The following CDH4 variants were observed in gnomAD, a reference collection of about 807,000 sequenced individuals.
CDH4 encodes the protein cadherin 4.
In CDH4, 33 loss-of-function variants were observed where a neutral mutation model predicts 86.0. The ratio of observed to expected loss-of-function variants is 0.38; its 90% CI spans 0.29 to 0.51. The LOEUF (loss-of-function observed/expected upper bound fraction) is 0.51, where lower values mean the gene tolerates loss of function less well. CDH4 is among the 20% of genes least tolerant of loss of function. The pLI, the probability that CDH4 is intolerant of heterozygous loss-of-function variation, is 0.86. For missense variants in CDH4, 1,114 were observed against 1,307.4 expected (o/e 0.85, Z 2.28); for synonymous variants, 555 against 549.4 (o/e 1.01, Z -0.14).
intron 2 of CDH4, among the ~76,000 whole-genome samples, chr20:61,587,070 G>T (rs1056034164): frequency 2.0e-4 from 30 of 152,280 alleles, no homozygotes; most frequent in African/African-American, 7.2e-4. Context: ...AGGGATGTCA[G>T]CAGAGGCTGG....
rs185379829 is a variant in CDH4, at chr20:61,926,241, C to T, written c.1771+1765C>T. 4.9e-4 allele frequency among the ~76,000 whole-genome samples: 75 copies of T among 152,282 alleles called. 2 individuals are homozygous for T. Among genetic ancestry groups the T allele is most frequent in the Admixed American group, 2.4e-3 (37 of 15,302 alleles). ...AGCTGTGGAACCAGAGGAGCAAGCA[C>T]GGGAAGGAGGGTCACAGAGTTAGGA... On this transcript the variant is annotated intron_variant, in intron 11 of 15. Coordinates refer to ENST00000614565, the MANE Select transcript of CDH4 (RefSeq NM_001794.5).
chr20:61,760,345 CAT>C (rs1217008004), intron 3 of CDH4, among the ~76,000 whole-genome samples: 9 of 152,258 alleles, frequency 5.9e-5, no homozygotes, highest in South Asian at 4.1e-4. Flanking sequence ...CCTCAGAAGT[CAT>C]AGCCCAGGCT....
rs1259560783 is a variant in CDH4, at chr20:61,493,993, G to A, written c.169+239056G>A. Among the ~76,000 whole-genome samples, 8 of 152,186 alleles carry A rather than the reference G, an allele frequency of 5.3e-5. No homozygotes were observed. The East Asian group carries it at 1.5e-3, about 29-fold the overall frequency. On this transcript the variant is annotated intron_variant, in intron 2 of 15. Transcript: ENST00000614565. Reference sequence around the variant, plus strand: ...GAACACTCTGGAGCGGACTCTCCAGGTCTGTGTTGTTGTGACAGCTCAGCA... The same window carrying A: ...GAACACTCTGGAGCGGACTCTCCAGATCTGTGTTGTTGTGACAGCTCAGCA...
At chr20:61,364,531 GCAT>G (rs2084800915) in intron 2 of CDH4, among the ~76,000 whole-genome samples, 1 of 152,184 alleles carries the variant, frequency 6.6e-6, no homozygotes, top group Non-Finnish European at 1.5e-5. Flanking sequence ...TCTCTGTTCC[GCAT>G]CAGGAGGGGG....
chr20:61,404,899 A>C (rs912687029), intron 2 of CDH4, among the ~76,000 whole-genome samples: 1 of 151,886 alleles, frequency 6.6e-6, no homozygotes, highest in South Asian at 2.1e-4. Context: ...AAATACAAAA[A>C]ATTAGCTGGG....
intron 4 of CDH4, among the ~76,000 whole-genome samples, chr20:61,834,643 A>G (rs1163037881): frequency 6.6e-6 from 1 of 152,244 alleles, no homozygotes; most frequent in Non-Finnish European, 1.5e-5. Flanking sequence ...GACAGGGACT[A>G]ATCAGGGGAT....
At chr20:61,791,804 A>G (rs1420836214) in intron 4 of CDH4, among the ~76,000 whole-genome samples, 3 of 151,976 alleles carry the variant, frequency 2.0e-5, no homozygotes, top group Admixed American at 6.5e-5. Context: ...TCAGGCAGAG[A>G]CCCGCAAGTG....
intron 2 of CDH4, among the ~76,000 whole-genome samples, chr20:61,430,875 G>A (rs2085242492): frequency 1.3e-5 from 2 of 152,228 alleles, no homozygotes; most frequent in African/African-American, 2.4e-5. Context: ...AACAGAGAAA[G>A]GAGCCTGTGT....
At chr20:61,555,316 G>T (rs998901449) in intron 2 of CDH4, among the ~76,000 whole-genome samples, 2 of 152,328 alleles carry the variant, frequency 1.3e-5, no homozygotes, top group African/African-American at 4.8e-5. Flanking sequence ...GCGGAGTGAA[G>T]CAGTAAGGGC....
chr20:61,522,887 T>G (rs1258440697), intron 2 of CDH4, among the ~76,000 whole-genome samples: 1 of 152,268 alleles, frequency 6.6e-6, no homozygotes, highest in Non-Finnish European at 1.5e-5. Context: ...CGGAGCCCTC[T>G]GCAGTGTTCT....
intron 3 of CDH4, among the ~76,000 whole-genome samples, chr20:61,749,258 T>C (rs997333331): frequency 2.6e-5 from 4 of 152,196 alleles, no homozygotes; most frequent in Admixed American, 2.0e-4. Context: ...GAGAAGTAAC[T>C]ATGCAATCAG....
chr20:61,661,085 G>GA, intron 2 of CDH4, among the ~76,000 whole-genome samples: 1 of 31,354 alleles, frequency 3.2e-5, no homozygotes, highest in East Asian at 2.1e-3. Context: ...GAGGCATGGC[G>GA]GGGGGGGGGG....
intron 2 of CDH4, among the ~76,000 whole-genome samples, chr20:61,650,711 G>A (rs540686977): frequency 1.3e-5 from 2 of 152,282 alleles, no homozygotes; most frequent in Admixed American, 6.5e-5. Flanking sequence ...ATTTTAAAAG[G>A]TTTATTTCCA....
rs1978943517 is a variant in CDH4 at position 61,787,446 on chromosome 20, A to G, written c.576+14264A>G. On this transcript the variant is annotated intron_variant, in intron 4 of 15. Transcript: ENST00000614565. ...TCAGCTCTCATGAGAATTCACTATCACGAGCGCAACATGGAGGTAACTGCG... is the reference window on the plus strand; with the variant it reads ...TCAGCTCTCATGAGAATTCACTATCGCGAGCGCAACATGGAGGTAACTGCG... 2.0e-5 allele frequency among the ~76,000 whole-genome samples: 3 copies of G among 152,174 alleles called. No individual in the cohort carries two copies. The South Asian group carries it at 6.2e-4, about 31-fold the overall frequency.
At chr20:61,800,345 C>T (rs527657942) in intron 4 of CDH4, among the ~76,000 whole-genome samples, 25 of 152,224 alleles carry the variant, frequency 1.6e-4, no homozygotes, top group Non-Finnish European at 2.5e-4. Flanking sequence ...TCTTTGCCCC[C>T]TCCTTGGGCA....
At chr20:61,884,249 C>T (rs1041974700) in intron 7 of CDH4, among the ~76,000 whole-genome samples, 2 of 152,166 alleles carry the variant, frequency 1.3e-5, no homozygotes, top group African/African-American at 4.8e-5. Context: ...GTCATAAAAC[C>T]CACAAGAGCT....
chr20:61,705,071 C>T (rs1568766778), intron 2 of CDH4, among the ~76,000 whole-genome samples: 1 of 152,230 alleles, frequency 6.6e-6, no homozygotes. Context: ...CAGCCAGCTG[C>T]TGCTTCCCAT....
chr20:61,745,081 G>A (rs74520649), intron 3 of CDH4, among the ~76,000 whole-genome samples: 2,517 of 152,334 alleles, frequency 0.017, 72 homozygotes, highest in African/African-American at 0.055. Flanking sequence ...CTATGGGGTC[G>A]TTTGAGATAC....
At chr20:61,865,103 ACCCCTG>A (rs1983488662) in intron 6 of CDH4, among the ~76,000 whole-genome samples, 1 of 136,806 alleles carries the variant, frequency 7.3e-6, no homozygotes, top group African/African-American at 2.7e-5. Flanking sequence ...CTGTGCTCCC[ACCCCTG>A]CCCCTGCCCC....
Sources: allele counts gnomAD v4.1 joint callset (sites outside exome capture counted in the v4.1 genomes callset), GRCh38; gene constraint gnomAD v4.1.1; transcripts MANE v1.5; gene names NCBI Gene and HGNC (gene_info 2026-07-23, HGNC 2026-07-21).